Variants in PCSK6 observed in about 807,000 individuals in gnomAD.
PCSK6 encodes the protein proprotein convertase subtilisin/kexin type 6, also known as paired basic amino acid cleaving enzyme 4.
PCSK6 carries 85 observed loss-of-function variants against 123.3 expected under a neutral mutation model. The ratio of observed to expected loss-of-function variants is 0.69; its 90% CI spans 0.58 to 0.83. The LOEUF (loss-of-function observed/expected upper bound fraction) is 0.83, where lower values mean the gene tolerates loss of function less well. Ranked by LOEUF, PCSK6 falls within the 40% of genes least tolerant of loss-of-function variation. The pLI is 0.00. For synonymous variants in PCSK6, 508 were observed against 516.0 expected (o/e 0.98, Z 0.21); for missense variants, 1,191 against 1,282.3 (o/e 0.93, Z 1.09).
At chr15:101,407,709 C>T (rs770674595) in intron 6 of PCSK6, among the ~76,000 whole-genome samples, 5 of 152,202 alleles carry the variant, frequency 3.3e-5, no homozygotes, top group Non-Finnish European at 5.9e-5. Context: ...GCCTCTGGCC[C>T]GTGTCTTCCC....
rs2040379358 is a variant in PCSK6 at position 101,331,924 on chromosome 15, C to T, written c.1966G>A (p.Glu656Lys). 4 of 1,613,930 alleles carry T rather than the reference C, an allele frequency of 2.5e-6. No individual in the cohort carries two copies. The highest frequency in any genetic ancestry group is 2.5e-6 in the Non-Finnish European group (3 of 1,179,868). Reference sequence around the variant, plus strand: ...AGGGCAGCCTTGGGTGGCTCCAGCTCTGGGGCTGAGAGCTCCAGCATCCGC... The same window carrying T: ...AGGGCAGCCTTGGGTGGCTCCAGCTTTGGGGCTGAGAGCTCCAGCATCCGC... ...RSRMLELSAP[E>K]LEPPKAALSP... Residue 656 changes from glutamate (E) to lysine (K), a missense_variant, in exon 14 of 22, where the codon GAG (glutamate) becomes AAG (lysine). By Grantham distance (56) the Glu-to-Lys change is moderately conservative (BLOSUM62 1). Around this residue, in one of 3 missense-constraint regions of PCSK6, gnomAD observed 630 missense variants for 631.4 expected, o/e 1.00. Transcript: ENST00000611716.
chr15:101,420,210 T>G (rs1270400495), intron 6 of PCSK6, among the ~76,000 whole-genome samples: 1 of 130,462 alleles, frequency 7.7e-6, no homozygotes, highest in Non-Finnish European at 1.6e-5. Context: ...AAAAAAAAGC[T>G]AAACAGGAAA....
At chr15:101,364,713 T>C (rs2041337725) in intron 13 of PCSK6, among the ~76,000 whole-genome samples, 1 of 152,190 alleles carries the variant, frequency 6.6e-6, no homozygotes, top group Admixed American at 6.5e-5. Flanking sequence ...AGACTTAATA[T>C]TGTTAATGTG....
At chr15:101,389,417 C>T (rs774328192) in intron 9 of PCSK6, 47 bp downstream of exon 9, 8 of 1,421,872 alleles carry the variant, frequency 5.6e-6, no homozygotes, top group Non-Finnish European at 7.8e-6. Context: ...TATTTTACCA[C>T]AATCTAAACA....
intron 13 of PCSK6, chr15:101,347,177 G>C (rs771939147): frequency 2.4e-6 from 3 of 1,231,554 alleles, no homozygotes; most frequent in African/African-American, 1.6e-5. Flanking sequence ...GGCACAGAAG[G>C]CATGTGCTTT....
intron 6 of PCSK6, among the ~76,000 whole-genome samples, chr15:101,410,635 G>A (rs981812697): frequency 2.0e-4 from 30 of 152,190 alleles, no homozygotes; most frequent in African/African-American, 2.7e-4. Flanking sequence ...TATACACTGC[G>A]AAGGCTTCCC....
chr15:101,385,317 C>G (rs549623620), intron 9 of PCSK6, among the ~76,000 whole-genome samples: 5 of 152,120 alleles, frequency 3.3e-5, no homozygotes, highest in Non-Finnish European at 7.4e-5. Flanking sequence ...CACACCTGGC[C>G]CACCTTTTTC....
rs2058119564 is a variant in PCSK6 at position 101,489,541 on chromosome 15, G to A, written c.130C>T (p.Leu44Phe). Reference sequence around the variant, plus strand: ...AGCCAGCGCCAGGGACGCGGCGCGAGCGGCCGGAACCCGGGCCCGCCGGCG... The same window carrying A: ...AGCCAGCGCCAGGGACGCGGCGCGAACGGCCGGAACCCGGGCCCGCCGGCG... ...GGAGGPGFRP[L>F]APRPWRWLLL... Residue 44 changes from leucine (L) to phenylalanine (F), a missense_variant, in exon 1 of 22, where the codon CTC becomes TTC. Physicochemically the swap from Leu to Phe is conservative, Grantham distance 22 (BLOSUM62 0). Transcript: ENST00000611716. 4 of 998,682 alleles carry A rather than the reference G, an allele frequency of 4.0e-6. No homozygotes were observed. The highest frequency in any genetic ancestry group is 6.3e-5 in the Admixed American group (1 of 15,930). 61.9% of individuals were successfully genotyped at this position (998,682 alleles called of 1,614,324 possible).
chr15:101,469,042 A>C (rs2057536347), intron 1 of PCSK6, among the ~76,000 whole-genome samples: 1 of 152,136 alleles, frequency 6.6e-6, no homozygotes, highest in African/African-American at 2.4e-5. Context: ...CAAAGTTCTC[A>C]TTTTGTCACT....
intron 1 of PCSK6, among the ~76,000 whole-genome samples, chr15:101,477,500 T>G (rs1252435578): frequency 6.6e-6 from 1 of 152,250 alleles, no homozygotes; most frequent in Non-Finnish European, 1.5e-5. Flanking sequence ...CATATGAGTG[T>G]GCACGCACAC....
chr15:101,398,703 C>A lies in PCSK6; in HGVS notation c.824-127G>T. On this transcript the variant is annotated intron_variant, in intron 6 of 21. Coordinates refer to ENST00000611716, the MANE Select transcript of PCSK6 (RefSeq NM_002570.5). This position sits in a 1 kb window ranked among gnomAD's most constrained non-coding sequence, Gnocchi z 4.6. The stretch of plus-strand genomic sequence containing the variant: ...GTCCCTCCCCAGCAGGGGCTGTTCC[C>A]AGTCATTCTGCAAAACTGGCTCCTC... 1 of 1,030,306 alleles carries A rather than the reference C, an allele frequency of 9.7e-7. No homozygotes were observed. Among genetic ancestry groups the A allele is most frequent in the South Asian group, 1.8e-5 (1 of 56,110 alleles). 63.8% of individuals were successfully genotyped at this position (1,030,306 alleles called of 1,614,324 possible).
intron 2 of PCSK6, among the ~76,000 whole-genome samples, chr15:101,436,883 C>T (rs1287739445): frequency 7.2e-5 from 11 of 152,186 alleles, no homozygotes; most frequent in Non-Finnish European, 4.4e-5. Context: ...TCCCACTCCC[C>T]GACAAGTGCC....
chr15:101,322,149 A>G (rs1185608003), intron 18 of PCSK6, among the ~76,000 whole-genome samples: 2 of 152,164 alleles, frequency 1.3e-5, no homozygotes, highest in Non-Finnish European at 2.9e-5. Flanking sequence ...AGACCGAGGG[A>G]TGCAGAGGAG....
intron 2 of PCSK6, among the ~76,000 whole-genome samples, chr15:101,438,621 G>A (rs561827663): frequency 6.6e-6 from 1 of 152,124 alleles, no homozygotes; most frequent in African/African-American, 2.4e-5. Context: ...CCTTCCCATC[G>A]CCTCTCCTCT....
chr15:101,466,201 C>T (rs2057456044), intron 1 of PCSK6, among the ~76,000 whole-genome samples: 1 of 152,116 alleles, frequency 6.6e-6, no homozygotes, highest in African/African-American at 2.4e-5. Context: ...CACATAAACC[C>T]ACTAAACATG....
chr15:101,460,279 C>T (rs951920655), intron 1 of PCSK6, among the ~76,000 whole-genome samples: 1 of 152,216 alleles, frequency 6.6e-6, no homozygotes, highest in Non-Finnish European at 1.5e-5. Flanking sequence ...TGGTCCCTGC[C>T]CCAGCCTTTT....
chr15:101,401,527 G>C (rs2141585379), intron 6 of PCSK6, among the ~76,000 whole-genome samples: 1 of 152,326 alleles, frequency 6.6e-6, no homozygotes, highest in Admixed American at 6.5e-5. Context: ...GTCACTCACA[G>C]TGAGCCTCGG....
intron 8 of PCSK6, among the ~76,000 whole-genome samples, chr15:101,390,376 G>A (rs2042196037): frequency 6.6e-6 from 1 of 152,278 alleles, no homozygotes; most frequent in African/African-American, 2.4e-5. Context: ...TTGTCCCCTG[G>A]TGTTATTCCA....
intron 1 of PCSK6, among the ~76,000 whole-genome samples, chr15:101,454,948 AAATG>A (rs141326869): frequency 0.66 from 96,947 of 147,386 alleles, 32,241 homozygotes; most frequent in East Asian, 0.72. Flanking sequence ...CCATCTCAAA[AAATG>A]AATGAATGAA....
Sources: allele counts gnomAD v4.1 joint callset (sites outside exome capture counted in the v4.1 genomes callset), GRCh38; gene constraint gnomAD v4.1.1; regional missense constraint gnomAD v4.1.1; non-coding constraint Gnocchi (gnomAD v3.1); transcripts MANE v1.5; gene names NCBI Gene and HGNC (gene_info 2026-07-23, HGNC 2026-07-21).